DGKQ: variants seen among roughly 807,000 people sequenced by gnomAD.
DGKQ encodes diacylglycerol kinase theta.
DGKQ carries 97 observed loss-of-function variants against 104.2 expected under a neutral mutation model. The observed-to-expected ratio is 0.93, with a 90% confidence interval of 0.79 to 1.10. DGKQ has a LOEUF of 1.10. Among genes scored for constraint, DGKQ ranks in the 50% least tolerant of loss-of-function variants. The pLI, the probability that DGKQ is intolerant of heterozygous loss-of-function variation, is 0.00. For synonymous variants in DGKQ, 736 were observed against 595.2 expected (o/e 1.24, Z -3.44); for missense variants, 1,465 against 1,352.1 (o/e 1.08, Z -1.31).
intron 5 of DGKQ, 33 bp downstream of exon 5, chr4:968,249 C>G (rs1324684608): frequency 5.4e-6 from 5 of 931,626 alleles, no homozygotes; most frequent in South Asian, 1.6e-5. Flanking sequence ...CTCTCCTGCC[C>G]CACCCCCACC....
In DGKQ at chr4:967,553, A is replaced by AC. The variant is rs765484085; in HGVS notation, c.982dup (p.Val328GlyfsTer31). ...CTCCCCCAGCCTCCCCCTTACCAGC[A>AC]CCTCCTCGGCACCGGCCAGGCGGGA... On this transcript the variant is annotated frameshift_variant, in exon 8 of 23. Coordinates refer to ENST00000273814, the MANE Select transcript of DGKQ (RefSeq NM_001347.4). LOFTEE classifies it high-confidence loss of function. 1.2e-6 allele frequency: 2 copies of AC among 1,611,826 alleles called. No homozygotes were observed. Among genetic ancestry groups the AC allele is most frequent in the Non-Finnish European group, 1.7e-6 (2 of 1,179,552 alleles).
intron 14 of DGKQ, 93 bp from the exon 15 acceptor site, chr4:965,384 G>A: frequency 6.5e-7 from 1 of 1,548,814 alleles, no homozygotes; most frequent in African/African-American, 1.4e-5. Flanking sequence ...CCCAGCCCAG[G>A]GCTGCCCAAG....
In DGKQ at chr4:967,594, G is replaced by A. The variant is rs751483275; in HGVS notation, c.942C>T (p.Phe314=). 4 of 1,612,684 alleles carry A rather than the reference G, an allele frequency of 2.5e-6. No individual in the cohort carries two copies. Among genetic ancestry groups the A allele is most frequent in the Non-Finnish European group, 3.4e-6 (4 of 1,179,872 alleles). ...DGDDAVRRSQ[F]RLVTVSRLAG... Reference sequence around the variant, plus strand: ...CCAGGCGGGACACCGTGACGAGGCGGAACTGGCTTCTTCTCACCGCGTCGT... The same window carrying A: ...CCAGGCGGGACACCGTGACGAGGCGAAACTGGCTTCTTCTCACCGCGTCGT... Residue 314 remains phenylalanine (F), a synonymous_variant, in exon 8 of 23, where the codon TTC becomes TTT. Transcript: ENST00000273814.
chr4:964,352 G>A (rs1438253319), intron 15 of DGKQ, among the ~76,000 whole-genome samples: 1 of 152,202 alleles, frequency 6.6e-6, no homozygotes, highest in South Asian at 2.1e-4. Flanking sequence ...AAGGTTCAGG[G>A]GTAGAACAGC....
rs1712617597 is a variant in DGKQ, at chr4:968,288, C to T, written c.657G>A (p.Gly219=). The T allele has an allele frequency of 1.3e-6, 2 of 1,522,968 alleles. No homozygotes were observed. The highest frequency in any genetic ancestry group is 2.5e-5 in the East Asian group (1 of 40,324). The allele number at this position is 1,522,968 out of a possible 1,614,324, so 94.3% of individuals were successfully genotyped here. Residue 219 remains glycine, a synonymous_variant, in exon 5 of 23, where the codon GGG becomes GGA. Transcript: ENST00000273814. ...TCGACTTCCCAGCGCCCACCTGGAC[C>T]CCGCACCACTCGCAGCGCACGCCGG... ...VLAGVRCEWC[G]VQAHSLCSAA... is the part of the protein sequence containing the mutation.
intron 19 of DGKQ, 25 bp downstream of exon 19, chr4:961,957 G>C (rs1208578778): frequency 6.2e-7 from 1 of 1,611,674 alleles, no homozygotes; most frequent in Non-Finnish European, 8.5e-7. Flanking sequence ...CCGTTGACAG[G>C]TGGTAGCCCC....
chr4:968,078 AC>A (rs754888882), intron 5 of DGKQ, 51 bp from the exon 6 acceptor site: 130 of 1,264,526 alleles, frequency 1.0e-4, no homozygotes, highest in Non-Finnish European at 1.3e-4. Flanking sequence ...GTGCGGGGGC[AC>A]CAGGTGCGCC....
chr4:961,102 C>T lies in DGKQ; in HGVS notation c.2674G>A (p.Glu892Lys). ...LKATPVQVDG[E>K]PWVQAPGHMI... ...TGCCCCGGGGCCTGGACCCAGGGCT[C>T]CCCGTCCACCTGCACCGGGGTGGCC... Residue 892 changes from glutamate (E) to lysine (K), a missense_variant, in exon 22 of 23, where the codon GAG becomes AAG. Glu to Lys is a moderately conservative substitution (Grantham distance 56). Transcript: ENST00000273814. The T allele has an allele frequency of 6.2e-7, 1 of 1,612,014 alleles. No homozygotes were observed. Among genetic ancestry groups the T allele is most frequent in the Non-Finnish European group, 8.5e-7 (1 of 1,179,518 alleles).
In DGKQ at chr4:971,734, G is replaced by A. The variant is rs923342839; in HGVS notation, c.272-662C>T. On this transcript the variant is annotated intron_variant, in intron 1 of 22. Coordinates refer to ENST00000273814, the MANE Select transcript of DGKQ (RefSeq NM_001347.4). This position sits in a 1 kb window ranked among gnomAD's most constrained non-coding sequence, Gnocchi z 4.0. ...CAGACAGGAGGGTGGGGCCGGGGCA[G>A]AAGGGAGGGCAGGAACCCTGGGCTG... is the stretch of plus-strand genomic sequence containing the variant. Among the ~76,000 whole-genome samples the A allele has an allele frequency of 6.6e-6, 1 of 152,168 alleles. No homozygotes were observed. The highest frequency in any genetic ancestry group is 2.4e-5 in the African/African-American group (1 of 41,446).
intron 2 of DGKQ, among the ~76,000 whole-genome samples, chr4:970,756 C>T (rs1425137594): frequency 1.3e-5 from 2 of 152,160 alleles, no homozygotes; most frequent in Non-Finnish European, 2.9e-5. Flanking sequence ...TCATTTTGAG[C>T]ACATTCTATG....
chr4:973,106 C>T, intron 1 of DGKQ, 106 bp downstream of exon 1: 1 of 1,312,144 alleles, frequency 7.6e-7, no homozygotes, highest in Non-Finnish European at 9.7e-7. Flanking sequence ...GGCTGGGACC[C>T]CGCCCTCCAC....
chr4:973,299 T>G lies in DGKQ; in HGVS notation c.184A>C (p.Ser62Arg). ...APGPAAAPGH[S>R]FRKVTLTKPT... The stretch of plus-strand genomic sequence containing the variant: ...TTGGTGAGCGTCACCTTCCGGAAGC[T>G]GTGTCCCGGCGCGGCAGCGGGGCCC... The change falls in exon 1 of 23, where the codon AGC becomes CGC. Residue 62 changes from serine to arginine, a missense_variant. Transcript: ENST00000273814. 1 of 1,510,018 alleles carries G rather than the reference T, an allele frequency of 6.6e-7. No individual in the cohort carries two copies. Among genetic ancestry groups the G allele is most frequent in the Non-Finnish European group, 8.8e-7 (1 of 1,130,290 alleles). 93.5% of individuals were successfully genotyped at this position (1,510,018 alleles called of 1,614,324 possible).
At position 961,768 on chromosome 4, in the gene DGKQ, G is replaced by A; in HGVS notation, c.2382C>T (p.His794=). The A allele has an allele frequency of 6.2e-7, 1 of 1,612,318 alleles. No individual in the cohort carries two copies. Among genetic ancestry groups the A allele is most frequent in the South Asian group, 1.1e-5 (1 of 91,010 alleles). Reference sequence around the variant, plus strand: ...GCTCCACCTGCAGCCGGATCTGCTTGTGCAGGCTCCGAGAGTGACTGATCT... The same window carrying A: ...GCTCCACCTGCAGCCGGATCTGCTTATGCAGGCTCCGAGAGTGACTGATCT... The part of the protein sequence containing the change: ...LQKISHSRSL[H]KQIRLQVERQ... Residue 794 remains histidine (H), a synonymous_variant, in exon 20 of 23, where the codon CAC becomes CAT. Coordinates refer to ENST00000273814, the MANE Select transcript of DGKQ (RefSeq NM_001347.4).
intron 10 of DGKQ, 50 bp from the exon 11 acceptor site, chr4:966,852 A>C: frequency 1.1e-5 from 17 of 1,582,208 alleles, no homozygotes; most frequent in African/African-American, 1.3e-5. Flanking sequence ...CCACCACCTC[A>C]GGACACCCGC....
chr4:961,349 G>A lies in DGKQ; in HGVS notation c.2574+118C>T, dbSNP rs1048097080. On this transcript the variant is annotated intron_variant, in intron 21 of 22. Coordinates refer to ENST00000273814, the MANE Select transcript of DGKQ (RefSeq NM_001347.4). ...GGGCGGGAGAGGCCAGCCGGGCTCA[G>A]CGGGGACCGGGGACGCCCACCCTGG... The A allele has an allele frequency of 3.1e-6, 4 of 1,288,572 alleles. No homozygotes were observed. In the South Asian group the frequency reaches 6.1e-5, roughly 20 times the overall value. The allele number at this position is 1,288,572 out of a possible 1,614,324, so 79.8% of individuals were successfully genotyped here.
In DGKQ at chr4:963,251, A is replaced by G. The variant is rs557816665; in HGVS notation, c.1774T>C (p.Phe592Leu). 12 of 1,610,862 alleles carry G rather than the reference A, an allele frequency of 7.4e-6. No homozygotes were observed. In the South Asian group the frequency reaches 9.9e-5, roughly 13 times the overall value. ...LPPDSCPLLV[F>L]VNPKSGGLKG... ...AGGCCTCCACTCTTGGGGTTCACGA[A>G]CACAAGGAGGGGACAGCTGTCTGGG... Residue 592 changes from phenylalanine to leucine, a missense_variant, in exon 16 of 23, where the codon TTC becomes CTC. Coordinates refer to ENST00000273814, the MANE Select transcript of DGKQ (RefSeq NM_001347.4).
In DGKQ at chr4:967,256, C is replaced by A; in HGVS notation, c.1093G>T (p.Ala365Ser). 1 of 1,560,616 alleles carries A rather than the reference C, an allele frequency of 6.4e-7. No individual in the cohort carries two copies. Among genetic ancestry groups the A allele is most frequent in the Non-Finnish European group, 8.6e-7 (1 of 1,156,858 alleles). ...QACDAWAGGK[A>S]GSAVISEEGR... Reference sequence around the variant, plus strand: ...TCCTCCGAGATCACAGCACTCCCAGCCTTGCCCCCAGCCCAGGCGTCACAG... The same window carrying A: ...TCCTCCGAGATCACAGCACTCCCAGACTTGCCCCCAGCCCAGGCGTCACAG... The change falls in exon 9 of 23, where the codon GCT becomes TCT. Residue 365 changes from alanine to serine, a missense_variant. Transcript: ENST00000273814.
At chr4:960,930 G>A (rs1404371511) in intron 22 of DGKQ, 119 bp downstream of exon 22, 2 of 1,522,270 alleles carry the variant, frequency 1.3e-6, no homozygotes, top group Non-Finnish European at 1.8e-6. Flanking sequence ...CACCCTCCCG[G>A]AGTCAGTGCT....
In DGKQ at chr4:971,097, T is replaced by C. The variant is rs1474209929; in HGVS notation, c.272-25A>G. 7.1e-6 allele frequency: 11 copies of C among 1,538,616 alleles called. No homozygotes were observed. The African/African-American group carries it at 1.1e-4, about 15-fold the overall frequency. On this transcript the variant is annotated intron_variant, in intron 1 of 22. Transcript: ENST00000273814. The surrounding 1 kb of genome is among the most constrained non-coding windows in gnomAD (Gnocchi z 4.0). ...ACTGTGGGAATGAGCACTGTGTGAG[T>C]TGGCCCCTGTCCTACCCAATGGCTG...
Sources: gnomAD v4.1 joint callset for allele counts (sites outside exome capture counted in the v4.1 genomes callset) on GRCh38, gnomAD v4.1.1 for gene constraint, Gnocchi (gnomAD v3.1) non-coding constraint, MANE v1.5 for transcripts, NCBI Gene and HGNC (gene_info 2026-07-23, HGNC 2026-07-21) for gene names.